GALNT2: variants seen among roughly 807,000 people sequenced by gnomAD.
GALNT2 encodes UDP-GalNAc:polypeptide N-acetylgalactosaminyltransferase 2.
In GALNT2, 31 loss-of-function variants were observed where a neutral mutation model predicts 81.4. The observed-to-expected ratio is 0.38, with a 90% CI of 0.29 to 0.51. The LOEUF is 0.51. Among genes scored for constraint, GALNT2 ranks in the 20% least tolerant of loss-of-function variants. GALNT2 has a pLI of 0.87. For synonymous variants in GALNT2, 303 were observed against 287.4 expected (o/e 1.05, Z -0.55); for missense variants, 629 against 765.7 (o/e 0.82, Z 2.11).
At chr1:230,187,394 C>A (rs1663369178) in intron 2 of GALNT2, among the ~76,000 whole-genome samples, 1 of 152,252 alleles carries the variant, frequency 6.6e-6, no homozygotes, top group African/African-American at 2.4e-5. Flanking sequence ...CAGCTCTCAG[C>A]CCCTCATGGG....
upstream of GALNT2, among the ~76,000 whole-genome samples, chr1:230,062,835 C>T (rs186904307): frequency 3.3e-4 from 50 of 152,144 alleles, no homozygotes; most frequent in African/African-American, 1.2e-3. Flanking sequence ...TACAAATATC[C>T]GTTTGAGTCG....
intron 1 of GALNT2, among the ~76,000 whole-genome samples, chr1:230,088,380 G>C (rs1324175304): frequency 6.6e-6 from 1 of 151,768 alleles, no homozygotes; most frequent in East Asian, 1.9e-4. Flanking sequence ...TCACTAGCAT[G>C]ATGTCTTCAA....
At chr1:230,220,744 T>G (rs1005927605) in intron 3 of GALNT2, among the ~76,000 whole-genome samples, 1 of 152,204 alleles carries the variant, frequency 6.6e-6, no homozygotes, top group African/African-American at 2.4e-5. Flanking sequence ...GGTCCATTCT[T>G]GGGCTTAATC....
At chr1:230,195,294 A>G (rs1014216735) in intron 2 of GALNT2, among the ~76,000 whole-genome samples, 30 of 152,028 alleles carry the variant, frequency 2.0e-4, no homozygotes, top group African/African-American at 7.3e-4. Flanking sequence ...ATGTGGTTAA[A>G]CTTGAGCTCT....
intron 1 of GALNT2, among the ~76,000 whole-genome samples, chr1:230,120,016 T>C (rs1262559494): frequency 6.6e-6 from 1 of 152,142 alleles, no homozygotes; most frequent in Non-Finnish European, 1.5e-5. Context: ...TGGTTCTCTG[T>C]GCTGGGAAGC....
intron 1 of GALNT2, among the ~76,000 whole-genome samples, chr1:230,167,849 T>G (rs995409908): frequency 1.3e-5 from 2 of 152,214 alleles, no homozygotes; most frequent in East Asian, 3.9e-4. Context: ...GCCTGAGGGC[T>G]TCACCTCTCT....
chr1:230,174,919 G>A (rs149206052), intron 1 of GALNT2, among the ~76,000 whole-genome samples: 10 of 152,288 alleles, frequency 6.6e-5, no homozygotes, highest in African/African-American at 2.4e-4. Flanking sequence ...CTCCACCGAG[G>A]TACCACTTCC....
intron 1 of GALNT2, among the ~76,000 whole-genome samples, chr1:230,130,587 C>G (rs1202098426): frequency 6.6e-6 from 1 of 152,180 alleles, no homozygotes; most frequent in African/African-American, 2.4e-5. Flanking sequence ...GAACACCGGG[C>G]CCTGGGGACC....
At chr1:230,154,761 A>G (rs1662195492) in intron 1 of GALNT2, among the ~76,000 whole-genome samples, 1 of 152,000 alleles carries the variant, frequency 6.6e-6, no homozygotes, top group African/African-American at 2.4e-5. Flanking sequence ...GAAGGAACAA[A>G]CCCTGTCGCC....
At chr1:230,195,666 A>T (rs558446470) in intron 2 of GALNT2, among the ~76,000 whole-genome samples, 1 of 152,114 alleles carries the variant, frequency 6.6e-6, no homozygotes, top group Non-Finnish European at 1.5e-5. Context: ...GGGGTTGCCG[A>T]TGGGACTGAC....
At chr1:230,130,745 G>C (rs1325316202) in intron 1 of GALNT2, among the ~76,000 whole-genome samples, 1 of 152,218 alleles carries the variant, frequency 6.6e-6, no homozygotes, top group African/African-American at 2.4e-5. Context: ...AAGTCTCGGC[G>C]ACAGCTCCTG....
At chr1:230,233,682 A>G (rs924644934) in intron 3 of GALNT2, among the ~76,000 whole-genome samples, 20 of 152,224 alleles carry the variant, frequency 1.3e-4, no homozygotes, top group Admixed American at 1.3e-3. Context: ...ATAAGAGTGA[A>G]GGGAATGTTT....
At chr1:230,276,071 C>T (rs1409391210) in intron 15 of GALNT2, among the ~76,000 whole-genome samples, 1 of 148,698 alleles carries the variant, frequency 6.7e-6, no homozygotes, top group Non-Finnish European at 1.5e-5. Context: ...CGTATATATA[C>T]ATGCCACATA....
chr1:230,076,999 A>T (rs1269528143), intron 1 of GALNT2, among the ~76,000 whole-genome samples: 2 of 152,164 alleles, frequency 1.3e-5, no homozygotes, highest in Non-Finnish European at 2.9e-5. Flanking sequence ...TTCTTAGCTA[A>T]ATTGCCCTGT....
At chr1:230,175,637 T>TCCCCC (rs1662955556) in intron 1 of GALNT2, among the ~76,000 whole-genome samples, 1 of 105,564 alleles carries the variant, frequency 9.5e-6, no homozygotes, top group African/African-American at 3.9e-5. Flanking sequence ...CTCCTCCTCC[T>TCCCCC]TTCCCTCTCC....
At chr1:230,168,221 C>T (rs1265299668) in intron 1 of GALNT2, among the ~76,000 whole-genome samples, 1 of 152,218 alleles carries the variant, frequency 6.6e-6, no homozygotes, top group East Asian at 1.9e-4. Flanking sequence ...TATATATCAT[C>T]TCTTAAAGGA....
intron 1 of GALNT2, among the ~76,000 whole-genome samples, chr1:230,067,612 C>T (rs770747470): frequency 6.6e-6 from 1 of 152,050 alleles, no homozygotes; most frequent in South Asian, 2.1e-4. Flanking sequence ...GAAAGGGCGG[C>T]CCCCGCAGCC....
chr1:230,156,184 G>A (rs775781574), intron 1 of GALNT2, among the ~76,000 whole-genome samples: 15 of 151,890 alleles, frequency 9.9e-5, no homozygotes, highest in East Asian at 5.8e-4. Flanking sequence ...GAGACGGTGC[G>A]GTTTTGGGAT....
chr1:230,082,406 G>T (rs1659762892), intron 1 of GALNT2, among the ~76,000 whole-genome samples: 1 of 152,246 alleles, frequency 6.6e-6, no homozygotes, highest in African/African-American at 2.4e-5. Flanking sequence ...ATAGGTGTCT[G>T]GCTTTAAGCC....
Sources: allele counts gnomAD v4.1 joint callset (sites outside exome capture counted in the v4.1 genomes callset), GRCh38; gene constraint gnomAD v4.1.1; transcripts MANE v1.5; gene names NCBI Gene and HGNC (gene_info 2026-07-23, HGNC 2026-07-21).